The following FRMD4A variants were observed in gnomAD, a reference collection of about 807,000 sequenced individuals.
FRMD4A encodes the protein FERM domain containing 4A.
In FRMD4A, 29 loss-of-function variants were observed where a neutral mutation model predicts 129.1. The ratio of observed to expected loss-of-function variants is 0.22; its 90% CI spans 0.17 to 0.31. FRMD4A has a LOEUF of 0.31. FRMD4A is among the 10% of genes least tolerant of loss of function. The pLI, the probability that FRMD4A is intolerant of heterozygous loss-of-function variation, is 1.00. For synonymous variants in FRMD4A, 634 were observed against 571.6 expected, an observed-to-expected ratio of 1.11 and a Z score of -1.56; for missense variants, 1,272 against 1,375.8, an observed-to-expected ratio of 0.92 and a Z score of 1.19.
At chr10:13,860,392 C>T (rs2094277974) in intron 2 of FRMD4A, among the ~76,000 whole-genome samples, 1 of 152,174 alleles carries the variant, frequency 6.6e-6, no homozygotes, top group Admixed American at 6.5e-5. Context: ...ATTGGCACCC[C>T]ACATTCCTGA....
At chr10:13,896,914 G>A (rs1397843569) in intron 2 of FRMD4A, among the ~76,000 whole-genome samples, 1 of 152,058 alleles carries the variant, frequency 6.6e-6, no homozygotes, top group East Asian at 1.9e-4. Context: ...TACTTGCAAA[G>A]GTTTAATCCG....
chr10:13,900,270 T>C (rs1473338916), intron 2 of FRMD4A, among the ~76,000 whole-genome samples: 1 of 152,232 alleles, frequency 6.6e-6, no homozygotes, highest in African/African-American at 2.4e-5. Context: ...TTGTTATTTT[T>C]TCACCAACAG....
At chr10:13,939,662 C>T (rs927371706) in intron 2 of FRMD4A, among the ~76,000 whole-genome samples, 1 of 152,132 alleles carries the variant, frequency 6.6e-6, no homozygotes. Context: ...TAGAATGGAA[C>T]AAAATCCTGG....
At chr10:13,875,535 C>A (rs1310226690) in intron 2 of FRMD4A, among the ~76,000 whole-genome samples, 1 of 152,198 alleles carries the variant, frequency 6.6e-6, no homozygotes, top group Non-Finnish European at 1.5e-5. Context: ...TCGTACTCTT[C>A]ACGCACGTGC....
At chr10:14,293,512 T>C (rs1845913035) in intron 2 of FRMD4A, among the ~76,000 whole-genome samples, 1 of 152,190 alleles carries the variant, frequency 6.6e-6, no homozygotes, top group Non-Finnish European at 1.5e-5. Context: ...AACAAAAATG[T>C]TGTACTTCAC....
chr10:13,793,680 A>C (rs892730617), intron 5 of FRMD4A, among the ~76,000 whole-genome samples: 1 of 152,100 alleles, frequency 6.6e-6, no homozygotes, highest in Non-Finnish European at 1.5e-5. Flanking sequence ...ACACACTGGA[A>C]AGGTACCCAG....
chr10:13,833,487 C>G (rs1197369580), intron 3 of FRMD4A, among the ~76,000 whole-genome samples: 1 of 152,122 alleles, frequency 6.6e-6, no homozygotes, highest in Non-Finnish European at 1.5e-5. Flanking sequence ...ACCATATCAC[C>G]AACCTTCAGG....
intron 2 of FRMD4A, among the ~76,000 whole-genome samples, chr10:14,319,977 G>C (rs1415765712): frequency 6.6e-6 from 1 of 152,074 alleles, no homozygotes; most frequent in Non-Finnish European, 1.5e-5. Flanking sequence ...GCTCCTCCCT[G>C]TGCGTGTCCC....
intron 3 of FRMD4A, among the ~76,000 whole-genome samples, chr10:13,827,091 T>C (rs2093712422): frequency 6.6e-6 from 1 of 152,200 alleles, no homozygotes; most frequent in Non-Finnish European, 1.5e-5. Context: ...CAAAGTCCAT[T>C]GAAGACGGTG....
intron 2 of FRMD4A, among the ~76,000 whole-genome samples, chr10:14,253,441 A>C (rs1397341853): frequency 6.6e-6 from 1 of 152,238 alleles, no homozygotes; most frequent in Non-Finnish European, 1.5e-5. Flanking sequence ...CTGATTTCAC[A>C]GGGTGGAATA....
At chr10:13,708,149 G>A (rs546209082) in intron 12 of FRMD4A, among the ~76,000 whole-genome samples, 1 of 152,302 alleles carries the variant, frequency 6.6e-6, no homozygotes, top group Non-Finnish European at 1.5e-5. Context: ...TTTCTGCGGG[G>A]AACAGCTTCC....
At chr10:13,894,793 C>G (rs1254068991) in intron 2 of FRMD4A, among the ~76,000 whole-genome samples, 1 of 152,172 alleles carries the variant, frequency 6.6e-6, no homozygotes, top group Non-Finnish European at 1.5e-5. Flanking sequence ...ATATCACCAT[C>G]CTGTTTATTT....
intron 2 of FRMD4A, among the ~76,000 whole-genome samples, chr10:14,101,246 G>A (rs908595676): frequency 2.0e-4 from 31 of 152,096 alleles, no homozygotes; most frequent in African/African-American, 7.0e-4. Flanking sequence ...AGCACATGAC[G>A]ACTGCAGGAT....
chr10:13,724,930 G>C (rs146790558), intron 12 of FRMD4A, among the ~76,000 whole-genome samples: 302 of 152,240 alleles, frequency 2.0e-3, no homozygotes, highest in African/African-American at 6.4e-3. Context: ...ACCGCTTTTG[G>C]TTATTTAATC....
Position 13,846,625 on chromosome 10 carries a change from C to T in FRMD4A, c.111+12222G>A, listed in dbSNP as rs552547115. Reference sequence around the variant, plus strand: ...ATTGTAAAGTTCAAGGCCCCAGCTCCGCTGGGCAGAGTGTGGTGACTGTAA... The same window carrying T: ...ATTGTAAAGTTCAAGGCCCCAGCTCTGCTGGGCAGAGTGTGGTGACTGTAA... On this transcript the variant is annotated intron_variant, in intron 3 of 24. Coordinates refer to ENST00000357447, the MANE Select transcript of FRMD4A (RefSeq NM_018027.5). Among the ~76,000 whole-genome samples, 7 of 152,354 alleles carry T rather than the reference C, an allele frequency of 4.6e-5. No individual in the cohort carries two copies. The East Asian group carries it at 9.6e-4, about 21-fold the overall frequency.
intron 9 of FRMD4A, 41 bp from the exon 10 acceptor site, chr10:13,740,618 G>A (rs763742195): frequency 4.4e-5 from 45 of 1,031,414 alleles, no homozygotes; most frequent in South Asian, 2.4e-4. Context: ...GGAGTCTCTA[G>A]GTCAACAGCC....
intron 2 of FRMD4A, among the ~76,000 whole-genome samples, chr10:14,312,639 T>C (rs1341119868): frequency 2.0e-5 from 3 of 152,182 alleles, no homozygotes; most frequent in African/African-American, 7.2e-5. Flanking sequence ...TTATGAGTCA[T>C]TCATACAATA....
intron 2 of FRMD4A, among the ~76,000 whole-genome samples, chr10:13,866,095 T>C: frequency 6.6e-6 from 1 of 152,148 alleles, no homozygotes. Flanking sequence ...AAATCAGCAA[T>C]ATTAATGACT....
chr10:13,868,842 C>A (rs1457976632), intron 2 of FRMD4A, among the ~76,000 whole-genome samples: 9 of 152,118 alleles, frequency 5.9e-5, no homozygotes, highest in African/African-American at 2.2e-4. Context: ...CCTTCAGGTT[C>A]TTGGTGGCTG....
Sources: gnomAD v4.1 joint callset for allele counts (sites outside exome capture counted in the v4.1 genomes callset) on GRCh38, gnomAD v4.1.1 for gene constraint, MANE v1.5 for transcripts, NCBI Gene and HGNC (gene_info 2026-07-23, HGNC 2026-07-21) for gene names.